The following MYO18B variants were observed in gnomAD, a reference collection of about 807,000 sequenced individuals.
The protein encoded by MYO18B is unconventional myosin-XVIIIb.
Under a neutral mutation model 273.0 loss-of-function variants are expected in MYO18B, and 204 were observed. That is an observed-to-expected ratio of 0.75 (90% CI 0.67 to 0.84). MYO18B has a LOEUF of 0.84. Ranked by LOEUF, MYO18B falls within the 40% of genes least tolerant of loss-of-function variation. MYO18B has a pLI of 0.00. For missense variants in MYO18B, 3,212 were observed against 3,287.6 expected, an observed-to-expected ratio of 0.98 and a Z score of 0.56; for synonymous variants, 1,330 against 1,305.7, an observed-to-expected ratio of 1.02 and a Z score of -0.40.
rs200053215 is a variant in MYO18B, at chr22:25,816,330, T to C, written c.2522-7175T>C. Among the ~76,000 whole-genome samples the C allele has an allele frequency of 2.6e-5, 4 of 152,326 alleles. No homozygotes were observed. The East Asian group carries it at 7.7e-4, about 29-fold the overall frequency. On this transcript the variant is annotated intron_variant, in intron 12 of 43. Transcript: ENST00000335473. ...TTGCCTGTTATGCATCCTGCCCGTA[T>C]AACCTCATTCATTCTTCTTTTATTT...
Position 25,768,169 on chromosome 22 carries a change from T to C in MYO18B, c.253T>C (p.Ser85Pro). Residue 85 changes from serine (S) to proline (P), a missense_variant, in exon 4 of 44, where the codon TCT becomes CCT. Physicochemically the swap from Ser to Pro is moderately conservative, Grantham distance 74. Transcript: ENST00000335473. Reference sequence around the variant, plus strand: ...CAGCAAGTCCAGCAGTGGCACCAGATCTGGAAGCCAGCAGATCTCTCAGGA... The same window carrying C: ...CAGCAAGTCCAGCAGTGGCACCAGACCTGGAAGCCAGCAGATCTCTCAGGA... ...PNSKSSSGTR[S>P]GSQQISQDDQ... The C allele has an allele frequency of 6.2e-7, 1 of 1,612,780 alleles. No individual in the cohort carries two copies. The highest frequency in any genetic ancestry group is 2.2e-5 in the East Asian group (1 of 44,842).
intron 42 of MYO18B, among the ~76,000 whole-genome samples, chr22:26,013,229 G>A (rs915906768): frequency 6.6e-6 from 1 of 151,998 alleles, no homozygotes; most frequent in Non-Finnish European, 1.5e-5. Flanking sequence ...ATCTCAACAG[G>A]GGACAGCTGG....
At chr22:25,779,295 CTT>C (rs1372410688) in intron 8 of MYO18B, among the ~76,000 whole-genome samples, 1 of 152,040 alleles carries the variant, frequency 6.6e-6, no homozygotes, top group East Asian at 1.9e-4. Context: ...ATTATTAAAT[CTT>C]TTGGTCCTCA....
chr22:25,961,220 T>TAAA (rs749508614), intron 39 of MYO18B, among the ~76,000 whole-genome samples: 48 of 124,860 alleles, frequency 3.8e-4, no homozygotes, highest in African/African-American at 1.4e-3. Flanking sequence ...AGCCTCCATC[T>TAAA]AAAAAAAAAA....
At chr22:25,879,579 G>A (rs908281368) in intron 25 of MYO18B, among the ~76,000 whole-genome samples, 6 of 151,986 alleles carry the variant, frequency 3.9e-5, no homozygotes, top group Admixed American at 1.3e-4. Flanking sequence ...CATGGGCATG[G>A]GTATTGATTT....
intron 39 of MYO18B, among the ~76,000 whole-genome samples, chr22:25,988,165 T>C (rs1353787537): frequency 1.3e-5 from 2 of 151,842 alleles, no homozygotes; most frequent in African/African-American, 4.8e-5. Flanking sequence ...TGTGCATCCC[T>C]TCCGTGTCTC....
At chr22:25,817,324 T>C (rs2145859790) in intron 12 of MYO18B, among the ~76,000 whole-genome samples, 1 of 151,860 alleles carries the variant, frequency 6.6e-6, no homozygotes, top group South Asian at 2.1e-4. Flanking sequence ...CTCCTTCTTT[T>C]CTTTTCTTTT....
At chr22:26,017,259 A>G (rs963705845) in intron 42 of MYO18B, among the ~76,000 whole-genome samples, 1 of 150,596 alleles carries the variant, frequency 6.6e-6, no homozygotes, top group Admixed American at 6.6e-5. Flanking sequence ...TTCTACTTTG[A>G]TAGTTGTTAG....
intron 16 of MYO18B, among the ~76,000 whole-genome samples, 196 bp downstream of exon 16, chr22:25,833,193 G>A (rs1569084974): frequency 6.6e-6 from 1 of 152,214 alleles, no homozygotes; most frequent in African/African-American, 2.4e-5. Flanking sequence ...GGCCTGAACA[G>A]TGGAAATTTA....
intron 43 of MYO18B, among the ~76,000 whole-genome samples, chr22:26,028,114 G>A (rs984104478): frequency 2.0e-5 from 3 of 151,878 alleles, no homozygotes; most frequent in Admixed American, 6.6e-5. Context: ...GTGTCTTGAC[G>A]GGCGCCTGTA....
chr22:25,918,233 T>C (rs2092291116), intron 33 of MYO18B, among the ~76,000 whole-genome samples: 3 of 152,300 alleles, frequency 2.0e-5, no homozygotes, highest in Admixed American at 2.0e-4. Flanking sequence ...TTTCCCCATC[T>C]GTAAAGTGGT....
intron 1 of MYO18B, among the ~76,000 whole-genome samples, chr22:25,744,435 A>C (rs2085715295): frequency 6.6e-6 from 1 of 152,186 alleles, no homozygotes; most frequent in Non-Finnish European, 1.5e-5. Context: ...CATATCTTTA[A>C]TATTTAAACA....
intron 7 of MYO18B, among the ~76,000 whole-genome samples, chr22:25,774,580 G>C (rs891700070): frequency 1.3e-5 from 2 of 152,202 alleles, no homozygotes; most frequent in Non-Finnish European, 2.9e-5. Context: ...CTGGGGTGGG[G>C]TGCGGCACTG....
At chr22:25,997,324 AAAAAAAC>A (rs1364658895) in intron 40 of MYO18B, among the ~76,000 whole-genome samples, 12 of 150,288 alleles carry the variant, frequency 8.0e-5, no homozygotes, top group South Asian at 2.1e-4. Flanking sequence ...AAAAAAAAAA[AAAAAAAC>A]GAAGGAAAAA....
chr22:25,802,309 G>A (rs2088236707), intron 12 of MYO18B, among the ~76,000 whole-genome samples: 2 of 152,164 alleles, frequency 1.3e-5, no homozygotes, highest in South Asian at 4.1e-4. Flanking sequence ...CATGACAGCC[G>A]ACAGCCTCCC....
At chr22:26,043,355 G>T in the MYO18B span, among the ~76,000 whole-genome samples, 1 of 152,082 alleles carries the variant, frequency 6.6e-6, no homozygotes. Flanking sequence ...GAAGAAAGCT[G>T]CTGTGAACAT....
chr22:25,772,186 A>T, intron 6 of MYO18B, 148 bp from the exon 7 acceptor site: 1 of 692,458 alleles, frequency 1.4e-6, no homozygotes, highest in Non-Finnish European at 2.3e-6. Context: ...ATTGCTTTCC[A>T]TCCAGAGTCC....
chr22:25,788,976 C>T (rs1433718297), intron 11 of MYO18B, among the ~76,000 whole-genome samples: 2 of 152,194 alleles, frequency 1.3e-5, no homozygotes, highest in Non-Finnish European at 1.5e-5. Flanking sequence ...GAGATAAAGC[C>T]AATGAAGTAC....
At chr22:26,047,743 A>G in the MYO18B span, among the ~76,000 whole-genome samples, 111 of 152,270 alleles carry the variant, frequency 7.3e-4, 1 homozygote, top group South Asian at 0.013. Context: ...ATTTCATTAT[A>G]TTGGGTTAAA....
Sources: allele counts gnomAD v4.1 joint callset (sites outside exome capture counted in the v4.1 genomes callset), GRCh38; gene constraint gnomAD v4.1.1; transcripts MANE v1.5; gene names NCBI Gene and HGNC (gene_info 2026-07-23, HGNC 2026-07-21).